Variants in GARS1 observed in about 807,000 individuals in gnomAD.
GARS1 encodes glycine--tRNA ligase.
In GARS1, 46 loss-of-function variants were observed where a neutral mutation model predicts 86.4. That is an observed-to-expected ratio of 0.53 (90% CI 0.42 to 0.68). The LOEUF is 0.68. Ranked by LOEUF, GARS1 falls within the 30% of genes least tolerant of loss-of-function variation. The pLI is 0.00. For missense variants in GARS1, 797 were observed against 915.6 expected, an observed-to-expected ratio of 0.87 and a Z score of 1.67; for synonymous variants, 342 against 329.8, an observed-to-expected ratio of 1.04 and a Z score of -0.40.
chr7:30,595,269 T>A, intron 1 of GARS1, 126 bp downstream of exon 1: 1 of 938,094 alleles, frequency 1.1e-6, no homozygotes, highest in Non-Finnish European at 1.6e-6. Context: ...CCCTTCATCC[T>A]CTGGCGTCTT....
At chr7:30,606,305 C>CTTTTTTTTTTTTTTTTTTTTT (rs35302357) in intron 6 of GARS1, among the ~76,000 whole-genome samples, 1 of 127,552 alleles carries the variant, frequency 7.8e-6, no homozygotes. Flanking sequence ...CATTGTTATT[C>CTTTTTTTTTTTTTTTTTTTTT]TTTTTTTTTT....
At chr7:30,606,990 T>C (rs1791497994) in intron 6 of GARS1, among the ~76,000 whole-genome samples, 2 of 152,220 alleles carry the variant, frequency 1.3e-5, no homozygotes, top group South Asian at 4.1e-4. Context: ...ATGTGCCTTA[T>C]CTCCCACTGT....
At chr7:30,597,625 T>G (rs1042357895) in intron 1 of GARS1, among the ~76,000 whole-genome samples, 4 of 152,190 alleles carry the variant, frequency 2.6e-5, no homozygotes, top group African/African-American at 9.7e-5. Context: ...TGAGTGAGAC[T>G]TAGGGGAAAT....
chr7:30,594,962 C>T lies in GARS1; in HGVS notation c.41C>T (p.Ala14Val), dbSNP rs1249446844. The T allele has an allele frequency of 1.3e-6, 2 of 1,596,052 alleles. No individual in the cohort carries two copies. The highest frequency in any genetic ancestry group is 2.2e-5 in the South Asian group (2 of 90,128). ...PRPVLLRGAR[A>V]ALLLLLPPRL... ...CCAGTGCTGCTTAGAGGTGCTCGCG[C>T]CGCTCTGCTGCTGCTGCTGCCGCCC... The change falls in exon 1 of 17, where the codon GCC (alanine) becomes GTC (valine). Residue 14 changes from alanine (A) to valine (V), a missense_variant. This residue lies in a region of GARS1 where 199 missense variants were observed against 176.9 expected (regional missense o/e 1.12). Coordinates refer to ENST00000389266, the MANE Select transcript of GARS1 (RefSeq NM_002047.4).
chr7:30,604,043 C>G (rs1791434884), intron 6 of GARS1, among the ~76,000 whole-genome samples: 1 of 151,888 alleles, frequency 6.6e-6, no homozygotes, highest in Non-Finnish European at 1.5e-5. Flanking sequence ...GCCTATAGGC[C>G]TAAAGTTTTA....
intron 5 of GARS1, 40 bp downstream of exon 5, chr7:30,603,162 TA>T: frequency 6.6e-7 from 1 of 1,516,024 alleles, no homozygotes. Context: ...TTGATCAAAA[TA>T]AAAGGTTTAA....
intron 6 of GARS1, among the ~76,000 whole-genome samples, chr7:30,608,487 A>T (rs1178630545): frequency 1.3e-5 from 2 of 152,146 alleles, no homozygotes; most frequent in East Asian, 3.8e-4. Context: ...CTCTTGGGTA[A>T]TTGTATAATG....
intron 12 of GARS1, chr7:30,622,735 A>C (rs1162686501): frequency 2.3e-6 from 1 of 429,654 alleles, no homozygotes; most frequent in Non-Finnish European, 4.3e-6. Flanking sequence ...TACATCTACT[A>C]TCTCTCAGGT....
rs564864338 is a variant in GARS1, at chr7:30,607,632, C to T, written c.736-1953C>T. 4.6e-5 allele frequency among the ~76,000 whole-genome samples: 7 copies of T among 152,240 alleles called. No individual in the cohort carries two copies. In the South Asian group the frequency reaches 6.2e-4, roughly 14 times the overall value. On this transcript the variant is annotated intron_variant, in intron 6 of 16. Transcript: ENST00000389266. Reference sequence around the variant, plus strand: ...TGATGGGTGCAGCAAACCAACATGGCACATGTATACTTATGTATCAAACCT... The same window carrying T: ...TGATGGGTGCAGCAAACCAACATGGTACATGTATACTTATGTATCAAACCT...
chr7:30,625,842 G>T (rs1162374785), intron 12 of GARS1, among the ~76,000 whole-genome samples: 5 of 152,198 alleles, frequency 3.3e-5, no homozygotes, highest in African/African-American at 1.2e-4. Context: ...TTGTACATTT[G>T]TTGGGACAGT....
At chr7:30,633,645 T>C in intron 16 of GARS1, 90 bp from the exon 17 acceptor site, 3 of 1,476,938 alleles carry the variant, frequency 2.0e-6, no homozygotes, top group Non-Finnish European at 1.9e-6. Flanking sequence ...TGTTTGGCTC[T>C]GTGTAAGGTT....
chr7:30,597,809 G>A (rs534391087), intron 1 of GARS1, among the ~76,000 whole-genome samples: 42 of 152,322 alleles, frequency 2.8e-4, no homozygotes, highest in Middle Eastern at 3.4e-3. Flanking sequence ...ATGGATCACT[G>A]AAATTAGAAA....
chr7:30,628,673 A>G lies in GARS1; in HGVS notation c.1809+4A>G. On this transcript the variant is annotated splice_donor_region_variant and intron_variant, in intron 14 of 16. Coordinates refer to ENST00000389266, the MANE Select transcript of GARS1 (RefSeq NM_002047.4). ...AGAAGGAGATGAACAGAGAACAGTA[A>G]GTTGTTGTGTACAGTGTGCTGTTAT... is the stretch of plus-strand genomic sequence containing the variant. The G allele has an allele frequency of 6.3e-7, 1 of 1,583,826 alleles. No individual in the cohort carries two copies. The highest frequency in any genetic ancestry group is 8.7e-7 in the Non-Finnish European group (1 of 1,152,732).
At chr7:30,630,609 C>T (rs576896165) in intron 14 of GARS1, among the ~76,000 whole-genome samples, 2 of 150,298 alleles carry the variant, frequency 1.3e-5, no homozygotes, top group East Asian at 4.0e-4. Context: ...CTTCTGGGCT[C>T]AAGCAATCCT....
intron 12 of GARS1, among the ~76,000 whole-genome samples, chr7:30,626,016 G>C (rs1481164561): frequency 6.6e-6 from 1 of 152,116 alleles, no homozygotes; most frequent in Non-Finnish European, 1.5e-5. Flanking sequence ...GTCAAAATTT[G>C]GTGTATGTCC....
At chr7:30,630,403 T>G (rs1273808480) in intron 14 of GARS1, among the ~76,000 whole-genome samples, 1 of 152,198 alleles carries the variant, frequency 6.6e-6, no homozygotes, top group Admixed American at 6.5e-5. Context: ...ATTTATTCTG[T>G]GTTTTTGCCT....
Position 30,623,916 on chromosome 7 carries a change from T to C in GARS1, c.1613+1454T>C, listed in dbSNP as rs189599232. ...CTGCGCGGATCACAATATAATGGAA[T>C]GAAATCTTTTAAAGTGCTTTAAGAC... On this transcript the variant is annotated intron_variant, in intron 12 of 16. Coordinates refer to ENST00000389266, the MANE Select transcript of GARS1 (RefSeq NM_002047.4). Among the ~76,000 whole-genome samples, 25 of 152,318 alleles carry C rather than the reference T, an allele frequency of 1.6e-4. No individual in the cohort carries two copies. In the East Asian group the frequency reaches 4.6e-3, roughly 28 times the overall value.
chr7:30,599,922 T>G, intron 2 of GARS1, 25 bp from the exon 3 acceptor site: 1 of 1,054,592 alleles, frequency 9.5e-7, no homozygotes, highest in Non-Finnish European at 1.4e-6. Context: ...CTCCACTCAC[T>G]CACTTTTTAT....
intron 4 of GARS1, 81 bp from the exon 5 acceptor site, chr7:30,602,953 G>C (rs560081250): frequency 1.1e-6 from 1 of 947,256 alleles, no homozygotes; most frequent in East Asian, 2.4e-5. Flanking sequence ...TATAAATATT[G>C]ATGGGGAATT....
Sources: gnomAD v4.1 joint callset for allele counts (sites outside exome capture counted in the v4.1 genomes callset) on GRCh38, gnomAD v4.1.1 for gene constraint, gnomAD v4.1.1 regional missense constraint, MANE v1.5 for transcripts, NCBI Gene and HGNC (gene_info 2026-07-23, HGNC 2026-07-21) for gene names.